CAMK2D: variants seen among roughly 807,000 people sequenced by gnomAD.
The protein encoded by CAMK2D is calcium/calmodulin-dependent protein kinase type II subunit delta.
Under a neutral mutation model 84.0 loss-of-function variants are expected in CAMK2D, and 37 were observed. The ratio of observed to expected loss-of-function variants is 0.44; its 90% confidence interval spans 0.34 to 0.58. The LOEUF (loss-of-function observed/expected upper bound fraction) is 0.58, where lower values mean the gene tolerates loss of function less well. Among genes scored for constraint, CAMK2D ranks in the 20% least tolerant of loss-of-function variants. CAMK2D has a pLI of 0.02. For missense variants in CAMK2D, 448 were observed against 652.5 expected (o/e 0.69, Z 3.41); for synonymous variants, 202 against 212.5 (o/e 0.95, Z 0.43).
chr4:113,589,207 T>C (rs1457491771), intron 4 of CAMK2D, among the ~76,000 whole-genome samples: 3 of 152,050 alleles, frequency 2.0e-5, no homozygotes, highest in Admixed American at 2.0e-4. Context: ...TGGAATTTGA[T>C]AGGAACTCTC....
chr4:113,563,601 G>C (rs2098708890), intron 4 of CAMK2D, among the ~76,000 whole-genome samples: 1 of 152,332 alleles, frequency 6.6e-6, no homozygotes. Context: ...GTGGTTCAAT[G>C]GGTAGTTTGG....
rs563959021 is a variant in CAMK2D, at chr4:113,457,208, T to G, written c.1535+127A>C. The G allele has an allele frequency of 7.6e-6, 11 of 1,454,796 alleles. No individual in the cohort carries two copies. In the African/African-American group the frequency reaches 1.4e-4, roughly 19 times the overall value. 90.1% of individuals were successfully genotyped at this position (1,454,796 alleles called of 1,614,324 possible). ...TCATAAACCTTTCCCGTGAAGGCATTTATTTTCATCAGTGTAACCAACTAC... is the reference window on the plus strand; with the variant it reads ...TCATAAACCTTTCCCGTGAAGGCATGTATTTTCATCAGTGTAACCAACTAC... On this transcript the variant is annotated intron_variant, in intron 19 of 20. Transcript: ENST00000511664.
chr4:113,493,318 A>G (rs1231042355), intron 16 of CAMK2D, among the ~76,000 whole-genome samples: 10 of 147,346 alleles, frequency 6.8e-5, no homozygotes, highest in Non-Finnish European at 1.4e-4. Context: ...TCCTTCAGGA[A>G]CTCTTGTAAG....
At chr4:113,473,449 G>A (rs191489622) in intron 16 of CAMK2D, among the ~76,000 whole-genome samples, 37 of 152,114 alleles carry the variant, frequency 2.4e-4, no homozygotes, top group Middle Eastern at 3.4e-3. Context: ...TCATAATTTT[G>A]GCTTTTAAAA....
intron 3 of CAMK2D, among the ~76,000 whole-genome samples, chr4:113,624,151 T>A (rs1216152176): frequency 6.6e-6 from 1 of 152,116 alleles, no homozygotes; most frequent in Admixed American, 6.6e-5. Flanking sequence ...CTAGTAAATT[T>A]AAGGAAAATA....
intron 2 of CAMK2D, among the ~76,000 whole-genome samples, chr4:113,678,287 G>C (rs2099327047): frequency 6.6e-6 from 1 of 152,074 alleles, no homozygotes; most frequent in Non-Finnish European, 1.5e-5. Context: ...TGAGACCCTG[G>C]GCAATGGACC....
chr4:113,575,558 A>C (rs995713867), intron 4 of CAMK2D, among the ~76,000 whole-genome samples: 1 of 152,218 alleles, frequency 6.6e-6, no homozygotes, highest in South Asian at 2.1e-4. Flanking sequence ...GGTTAGTAGA[A>C]ATATTTGGCC....
At chr4:113,622,358 G>A (rs2099049687) in intron 3 of CAMK2D, among the ~76,000 whole-genome samples, 1 of 152,154 alleles carries the variant, frequency 6.6e-6, no homozygotes, top group South Asian at 2.1e-4. Flanking sequence ...ACAGCCCCTA[G>A]AAAAGAGGTT....
At chr4:113,535,179 G>A (rs981988357) in intron 7 of CAMK2D, among the ~76,000 whole-genome samples, 7 of 151,980 alleles carry the variant, frequency 4.6e-5, no homozygotes, top group Non-Finnish European at 8.8e-5. Context: ...TTTGTATCCT[G>A]CCTCATACCC....
At chr4:113,561,725 C>T (rs1234862269) in intron 4 of CAMK2D, among the ~76,000 whole-genome samples, 2 of 152,120 alleles carry the variant, frequency 1.3e-5, no homozygotes, top group Non-Finnish European at 2.9e-5. Flanking sequence ...GATAGTAATA[C>T]CATTTTTTAA....
chr4:113,539,616 T>G (rs1162507260), intron 6 of CAMK2D, among the ~76,000 whole-genome samples: 1 of 152,184 alleles, frequency 6.6e-6, no homozygotes, highest in East Asian at 1.9e-4. Context: ...GGGCAAATAC[T>G]CATAACTAAC....
In CAMK2D at chr4:113,715,762, C is replaced by T. The variant is rs78958388; in HGVS notation, c.160+43558G>A. Among the ~76,000 whole-genome samples, 967 of 152,220 alleles carry T rather than the reference C, an allele frequency of 6.4e-3. 7 individuals are homozygous for T. Among genetic ancestry groups the T allele is most frequent in the Non-Finnish European group, 0.011 (718 of 68,000 alleles). Reference sequence around the variant, plus strand: ...TGTGTAACAAAAAGTTTCTCAAATTCGCTTGATCAAGTAATTTCTCTTTTC... The same window carrying T: ...TGTGTAACAAAAAGTTTCTCAAATTTGCTTGATCAAGTAATTTCTCTTTTC... On this transcript the variant is annotated intron_variant, in intron 2 of 20. Coordinates refer to ENST00000511664, the MANE Select transcript of CAMK2D (RefSeq NM_001321571.2).
chr4:113,709,122 G>C (rs1012070046), intron 2 of CAMK2D, among the ~76,000 whole-genome samples: 1 of 152,082 alleles, frequency 6.6e-6, no homozygotes, highest in Non-Finnish European at 1.5e-5. Flanking sequence ...TGGCTATAAA[G>C]ACAGAAAATC....
intron 2 of CAMK2D, among the ~76,000 whole-genome samples, chr4:113,717,660 G>T (rs1562018539): frequency 1.3e-5 from 2 of 152,062 alleles, no homozygotes; most frequent in Admixed American, 1.3e-4. Flanking sequence ...AAATAGCAAA[G>T]ATGGTGGAGA....
At chr4:113,716,909 G>A (rs1226136973) in intron 2 of CAMK2D, among the ~76,000 whole-genome samples, 1 of 152,100 alleles carries the variant, frequency 6.6e-6, no homozygotes, top group African/African-American at 2.4e-5. Context: ...ACAACCCAAT[G>A]ATACAGTTAT....
At chr4:113,469,310 C>T (rs544709656) in intron 16 of CAMK2D, among the ~76,000 whole-genome samples, 2 of 152,294 alleles carry the variant, frequency 1.3e-5, no homozygotes, top group South Asian at 2.1e-4. Context: ...AGGGATTATG[C>T]GCATTGCCCA....
intron 2 of CAMK2D, among the ~76,000 whole-genome samples, chr4:113,730,366 A>G (rs1186457270): frequency 5.9e-5 from 9 of 152,230 alleles, no homozygotes; most frequent in Admixed American, 5.9e-4. Flanking sequence ...TGAGAGTAGT[A>G]AGGCTAGAAA....
chr4:113,542,271 T>G (rs1250235027), intron 6 of CAMK2D, among the ~76,000 whole-genome samples: 1 of 152,208 alleles, frequency 6.6e-6, no homozygotes, highest in Non-Finnish European at 1.5e-5. Context: ...ATACATACTT[T>G]GTTTCAAAAA....
At chr4:113,640,357 A>T (rs1057222531) in intron 3 of CAMK2D, among the ~76,000 whole-genome samples, 1 of 152,182 alleles carries the variant, frequency 6.6e-6, no homozygotes, top group Non-Finnish European at 1.5e-5. Context: ...CACGAAGGAG[A>T]TTAGGAATGA....
Sources: allele counts gnomAD v4.1 joint callset (sites outside exome capture counted in the v4.1 genomes callset), GRCh38; gene constraint gnomAD v4.1.1; transcripts MANE v1.5; gene names NCBI Gene and HGNC (gene_info 2026-07-23, HGNC 2026-07-21).